SLC25A6: variants seen among roughly 807,000 people sequenced by gnomAD.
The protein encoded by SLC25A6 is ADP/ATP translocase 3.
SLC25A6 carries 9 observed loss-of-function variants against 25.7 expected under a neutral mutation model. That is an observed-to-expected ratio of 0.35 (90% CI 0.21 to 0.61). The LOEUF is 0.61. Among genes scored for constraint, SLC25A6 ranks in the 20% least tolerant of loss-of-function variants. SLC25A6 has a pLI of 0.76. For synonymous variants in SLC25A6, 223 were observed against 197.0 expected, an observed-to-expected ratio of 1.13 and a Z score of -1.11; for missense variants, 404 against 440.5, an observed-to-expected ratio of 0.92 and a Z score of 0.74.
At chrX:1,387,128 C>CT in intron 3 of SLC25A6, 151 bp downstream of exon 3, 1 of 1,017,274 alleles carries the variant, frequency 9.8e-7, no homozygotes, top group African/African-American at 1.6e-5. Context: ...CAGGAAAATC[C>CT]TTCCACACAG....
Position 1,386,615 on chromosome X carries a change from TTGAGCTCG to T in SLC25A6, c.876_883del (p.Asp292GlufsTer56). On this transcript the variant is annotated frameshift_variant, in exon 4 of 4. Coordinates refer to ENST00000381401, the MANE Select transcript of SLC25A6 (RefSeq NM_001636.4). LOFTEE classifies it high-confidence loss of function. ...AGGCCGCGGCCCTTAGATCACCTTC[TTGAGCTCG>T]TCGTACAGGACCAGCACGAAGGCGC... 3 of 1,580,978 alleles carry T rather than the reference TTGAGCTCG, an allele frequency of 1.9e-6. No homozygotes were observed. The highest frequency in any genetic ancestry group is 2.6e-6 in the Non-Finnish European group (3 of 1,164,658).
intron 2 of SLC25A6, among the ~76,000 whole-genome samples, chrX:1,388,364 CACAG>C: frequency 6.6e-6 from 1 of 151,492 alleles, no homozygotes; most frequent in African/African-American, 2.4e-5. Context: ...GACACGAGGA[CACAG>C]ACACACACAG....
intron 1 of SLC25A6, 89 bp from the exon 2 acceptor site, chrX:1,389,816 A>T: frequency 6.4e-7 from 1 of 1,550,538 alleles, no homozygotes; most frequent in Non-Finnish European, 8.7e-7. Context: ...TTTTGACACA[A>T]GTCACTCTTG....
intron 1 of SLC25A6, among the ~76,000 whole-genome samples, chrX:1,391,664 C>A (rs1323468793): frequency 6.6e-6 from 1 of 152,244 alleles, no homozygotes; most frequent in Non-Finnish European, 1.5e-5. Flanking sequence ...GCCCTCCAAT[C>A]CGTGCCGCAT....
At chrX:1,386,866 G>A (rs1358446644) in intron 3 of SLC25A6, 107 bp from the exon 4 acceptor site, 2 of 1,332,722 alleles carry the variant, frequency 1.5e-6, no homozygotes, top group Non-Finnish European at 1.0e-6. Context: ...CCAGACGCCT[G>A]AGCCACAGTT....
At chrX:1,386,889 G>C in intron 3 of SLC25A6, 130 bp from the exon 4 acceptor site, 2 of 1,157,948 alleles carry the variant, frequency 1.7e-6, no homozygotes, top group Non-Finnish European at 1.2e-6. Context: ...GATTACAGGA[G>C]GGATACCTGA....
intron 3 of SLC25A6, 96 bp from the exon 4 acceptor site, chrX:1,386,855 C>A: frequency 2.9e-6 from 4 of 1,400,592 alleles, no homozygotes; most frequent in Non-Finnish European, 3.9e-6. Context: ...GAAATAACAC[C>A]CCAGACGCCT....
chrX:1,386,631 G>A lies in SLC25A6; in HGVS notation c.868C>T (p.Leu290=), dbSNP rs1291021471. The change falls in exon 4 of 4, where the codon CTG becomes TTG. Residue 290 remains leucine, a synonymous_variant. Transcript: ENST00000381401. ...RGMGGAFVLV[L]YDELKKVI ...ATCACCTTCTTGAGCTCGTCGTACA[G>A]GACCAGCACGAAGGCGCCCCCCATG... 4 of 1,596,134 alleles carry A rather than the reference G, an allele frequency of 2.5e-6. No individual in the cohort carries two copies. The highest frequency in any genetic ancestry group is 2.6e-6 in the Non-Finnish European group (3 of 1,171,568).
At chrX:1,388,662 G>A (rs1208974941) in intron 2 of SLC25A6, among the ~76,000 whole-genome samples, 2 of 152,122 alleles carry the variant, frequency 1.3e-5, no homozygotes, top group African/African-American at 2.4e-5. Flanking sequence ...GGCCTCAGGA[G>A]GAACCAGCCC....
At position 1,389,436 on chromosome X, in the gene SLC25A6, C is replaced by T. The variant is rs140307739; in HGVS notation, c.403G>A (p.Asp135Asn). ...GCTGCCAGGCGGGTTCTGGCGAAATCCAGCGGGTACACGAAGCAGAGGGAG... is the reference window on the plus strand; with the variant it reads ...GCTGCCAGGCGGGTTCTGGCGAAATTCAGCGGGTACACGAAGCAGAGGGAG... ...ATSLCFVYPLDFARTRLAADV... is the reference protein window; with the variant it reads ...ATSLCFVYPLNFARTRLAADV... Residue 135 changes from aspartate to asparagine, a missense_variant, in exon 2 of 4, where the codon GAT becomes AAT. Coordinates refer to ENST00000381401, the MANE Select transcript of SLC25A6 (RefSeq NM_001636.4). 1 of 1,613,720 alleles carries T rather than the reference C, an allele frequency of 6.2e-7. No homozygotes were observed. Among genetic ancestry groups the T allele is most frequent in the Non-Finnish European group, 8.5e-7 (1 of 1,179,902 alleles).
chrX:1,389,500 A>G lies in SLC25A6; in HGVS notation c.339T>C (p.Phe113=). 6.2e-7 allele frequency: 1 copy of G among 1,614,138 alleles called. No individual in the cohort carries two copies. The highest frequency in any genetic ancestry group is 1.1e-5 in the South Asian group (1 of 91,084). The change falls in exon 2 of 4, where the codon TTT becomes TTC. Residue 113 remains phenylalanine (F), a synonymous_variant. Transcript: ENST00000381401. The part of the protein sequence containing the change: ...VDKHTQFWRY[F]AGNLASGGAA... ...CACCGCCGGAGGCCAGGTTGCCCGC[A>G]AAGTACCTCCAGAACTGCGTGTGCT...
intron 3 of SLC25A6, 34 bp from the exon 4 acceptor site, chrX:1,386,793 G>A (rs1323882755): frequency 1.2e-5 from 19 of 1,591,184 alleles, no homozygotes; most frequent in African/African-American, 4.1e-5. Context: ...GGGCCTCGCC[G>A]CCAAGCTCTT....
intron 2 of SLC25A6, 86 bp from the exon 3 acceptor site, chrX:1,387,505 CCT>C (rs1378919695): frequency 2.3e-4 from 352 of 1,563,232 alleles, no homozygotes; most frequent in Middle Eastern, 9.2e-4. Context: ...CTCACGGCCC[CCT>C]GAGGTGGTGC....
intron 2 of SLC25A6, among the ~76,000 whole-genome samples, chrX:1,388,500 A>G (rs1471386101): frequency 6.6e-6 from 1 of 151,226 alleles, no homozygotes; most frequent in African/African-American, 2.4e-5. Flanking sequence ...ACTGTGGGAG[A>G]ATCAATGTCT....
rs1291915364 is a variant in SLC25A6, at chrX:1,389,446, C to G, written c.393G>C (p.Val131=). ...GAAGATSLCF[V]YPLDFARTRL... is the part of the protein sequence containing the mutation. ...GGGTTCTGGCGAAATCCAGCGGGTACACGAAGCAGAGGGAGGTCGCGCCGG... is the reference window on the plus strand; with the variant it reads ...GGGTTCTGGCGAAATCCAGCGGGTAGACGAAGCAGAGGGAGGTCGCGCCGG... Residue 131 remains valine (V), a synonymous_variant, in exon 2 of 4, where the codon GTG becomes GTC. Coordinates refer to ENST00000381401, the MANE Select transcript of SLC25A6 (RefSeq NM_001636.4). 1.2e-6 allele frequency: 2 copies of G among 1,613,764 alleles called. No homozygotes were observed. The highest frequency in any genetic ancestry group is 4.5e-5 in the East Asian group (2 of 44,898).
In SLC25A6 at chrX:1,389,227, G is replaced by A. The variant is rs1361628756; in HGVS notation, c.598+14C>T. 3 of 1,605,320 alleles carry A rather than the reference G, an allele frequency of 1.9e-6. No individual in the cohort carries two copies. The Admixed American group carries it at 5.0e-5, about 27-fold the overall frequency. On this transcript the variant is annotated intron_variant, in intron 2 of 3. Coordinates refer to ENST00000381401, the MANE Select transcript of SLC25A6 (RefSeq NM_001636.4). ...AGCCCGTCTCTGGGACTTCGCGATG[G>A]CAGCCACACGTACCCTTGGCCGTAT...
At chrX:1,387,503 C>G in intron 2 of SLC25A6, 84 bp from the exon 3 acceptor site, 1 of 1,563,760 alleles carries the variant, frequency 6.4e-7, no homozygotes. Context: ...TGCTCACGGC[C>G]CCCTGAGGTG....
chrX:1,391,989 G>A lies in SLC25A6; in HGVS notation c.21C>T (p.Ser7=), dbSNP rs758716150. The change falls in exon 1 of 4, where the codon TCC becomes TCT. Residue 7 remains serine (S), a synonymous_variant. Coordinates refer to ENST00000381401, the MANE Select transcript of SLC25A6 (RefSeq NM_001636.4). ...CTCCGGCCAAGAAGTCTTTGGCGAA[G>A]GAGATGGCCTGTTCCGTCATGGTGG... MTEQAI[S]FAKDFLAGGI... 44 of 1,608,780 alleles carry A rather than the reference G, an allele frequency of 2.7e-5. No individual in the cohort carries two copies. Among genetic ancestry groups the A allele is most frequent in the Non-Finnish European group, 3.7e-5 (44 of 1,178,626 alleles).
Position 1,389,302 on chromosome X carries a change from G to A in SLC25A6, c.537C>T (p.Val179=), listed in dbSNP as rs2089370406. ...GIRGLYQGFS[V]SVQGIIIYRA... ...GGTAGATGATGATGCCCTGCACGGA[G>A]ACACTGAAGCCCTGGTACAGGCCCC... is the stretch of plus-strand genomic sequence containing the variant. The change falls in exon 2 of 4, where the codon GTC becomes GTT. Residue 179 remains valine, a synonymous_variant. Coordinates refer to ENST00000381401, the MANE Select transcript of SLC25A6 (RefSeq NM_001636.4). 1.2e-6 allele frequency: 2 copies of A among 1,613,936 alleles called. No homozygotes were observed. Among genetic ancestry groups the A allele is most frequent in the Admixed American group, 3.3e-5 (2 of 60,012 alleles).
Sources: gnomAD v4.1 joint callset for allele counts (sites outside exome capture counted in the v4.1 genomes callset) on GRCh38, gnomAD v4.1.1 for gene constraint, MANE v1.5 for transcripts, NCBI Gene and HGNC (gene_info 2026-07-23, HGNC 2026-07-21) for gene names.